Variants in FAT3 observed in about 807,000 individuals in gnomAD.
FAT3 encodes protocadherin Fat 3.
Under a neutral mutation model 310.2 loss-of-function variants are expected in FAT3, and 95 were observed. The ratio of observed to expected loss-of-function variants is 0.31; its 90% CI spans 0.26 to 0.36. The LOEUF (loss-of-function observed/expected upper bound fraction) is 0.36, where lower values mean the gene tolerates loss of function less well. Ranked by LOEUF, FAT3 falls within the 10% of genes least tolerant of loss-of-function variation. The pLI, the probability that FAT3 is intolerant of heterozygous loss-of-function variation, is 1.00. For synonymous variants in FAT3, 2,314 were observed against 2,192.9 expected, an observed-to-expected ratio of 1.06 and a Z score of -1.54; for missense variants, 5,408 against 5,715.6, an observed-to-expected ratio of 0.95 and a Z score of 1.74.
intron 1 of FAT3, among the ~76,000 whole-genome samples, chr11:92,330,965 G>GGTGTGTGTGT (rs375080524): frequency 4.4e-5 from 6 of 135,938 alleles, no homozygotes; most frequent in African/African-American, 1.5e-4. Context: ...AGGAGTAAAG[G>GGTGTGTGTGT]GTGTGTGTGT....
intron 2 of FAT3, among the ~76,000 whole-genome samples, chr11:92,501,539 C>G (rs774987198): frequency 2.8e-4 from 42 of 151,994 alleles, no homozygotes; most frequent in Non-Finnish European, 4.3e-4. Flanking sequence ...TGAAAGCCGT[C>G]TAGTAACTAC....
chr11:92,577,072 T>C (rs1938521334), intron 3 of FAT3, among the ~76,000 whole-genome samples: 1 of 152,058 alleles, frequency 6.6e-6, no homozygotes, highest in South Asian at 2.1e-4. Context: ...GAAAATGTAT[T>C]ATGTGTCAGG....
At chr11:92,822,317 TAA>T (rs549006711) in intron 13 of FAT3, among the ~76,000 whole-genome samples, 15 of 139,932 alleles carry the variant, frequency 1.1e-4, no homozygotes, top group Admixed American at 1.4e-4. Flanking sequence ...ACAGGTTGGT[TAA>T]AAAAAAAAAA....
intron 1 of FAT3, among the ~76,000 whole-genome samples, chr11:92,325,949 G>C (rs906789780): frequency 1.3e-5 from 2 of 152,144 alleles, no homozygotes; most frequent in Non-Finnish European, 2.9e-5. Flanking sequence ...TTTATTTGTG[G>C]GGATGTGTAT....
At chr11:92,558,716 G>T (rs1955108002) in intron 3 of FAT3, among the ~76,000 whole-genome samples, 1 of 152,042 alleles carries the variant, frequency 6.6e-6, no homozygotes, top group Non-Finnish European at 1.5e-5. Context: ...TATTTTTCAG[G>T]AGCCTTTCCA....
At chr11:92,742,694 G>A (rs1215124049) in intron 4 of FAT3, among the ~76,000 whole-genome samples, 3 of 152,190 alleles carry the variant, frequency 2.0e-5, no homozygotes, top group Non-Finnish European at 4.4e-5. Context: ...GAATGATGCA[G>A]CAAGAAGATC....
chr11:92,522,992 C>T (rs1053565242), intron 2 of FAT3, among the ~76,000 whole-genome samples: 3 of 152,140 alleles, frequency 2.0e-5, no homozygotes, highest in Admixed American at 2.0e-4. Context: ...CTTCGGCACA[C>T]ACTGGACAAC....
intron 6 of FAT3, among the ~76,000 whole-genome samples, chr11:92,765,290 G>A (rs1212278529): frequency 2.6e-5 from 4 of 152,252 alleles, no homozygotes; most frequent in Admixed American, 1.3e-4. Flanking sequence ...AAGCTGAACC[G>A]AAAGTGCTCT....
At chr11:92,531,398 G>C (rs909081782) in intron 3 of FAT3, among the ~76,000 whole-genome samples, 1 of 152,152 alleles carries the variant, frequency 6.6e-6, no homozygotes, top group Non-Finnish European at 1.5e-5. Context: ...CACAACTGTG[G>C]GTTGAGGGTG....
chr11:92,788,573 A>G (rs1236819715), intron 7 of FAT3, among the ~76,000 whole-genome samples: 2 of 152,170 alleles, frequency 1.3e-5, no homozygotes, highest in Non-Finnish European at 2.9e-5. Flanking sequence ...AATTATCTGT[A>G]TAATGATTGC....
chr11:92,693,987 A>G (rs567719716), intron 3 of FAT3, among the ~76,000 whole-genome samples: 1 of 152,176 alleles, frequency 6.6e-6, no homozygotes, highest in African/African-American at 2.4e-5. Context: ...TTCCAAACAT[A>G]AAAGACTTAT....
At chr11:92,614,218 C>T (rs987675312) in intron 3 of FAT3, among the ~76,000 whole-genome samples, 1 of 151,860 alleles carries the variant, frequency 6.6e-6, no homozygotes, top group Admixed American at 6.6e-5. Flanking sequence ...CATTCATGTA[C>T]AAGTTTTTGT....
chr11:92,798,590 C>T lies in FAT3; in HGVS notation c.5577C>T (p.Pro1859=), dbSNP rs368186699. 5 of 1,613,688 alleles carry T rather than the reference C, an allele frequency of 3.1e-6. No homozygotes were observed. Among genetic ancestry groups the T allele is most frequent in the Non-Finnish European group, 3.4e-6 (4 of 1,179,834 alleles). ...TGCATGTGAGAGACAGTGGTAGCCC[C>T]CAACTGACTGCAGAGAGTCCCGTTG... ...FHVHVRDSGS[P]QLTAESPVEV... is the part of the protein sequence containing the mutation. The change falls in exon 10 of 28, where the codon CCC becomes CCT. Residue 1859 remains proline, a synonymous_variant. Transcript: ENST00000525166.
chr11:92,229,156 A>G (rs1864041217), intron 1 of FAT3, among the ~76,000 whole-genome samples: 1 of 152,218 alleles, frequency 6.6e-6, no homozygotes, highest in Non-Finnish European at 1.5e-5. Context: ...AAAATATTAA[A>G]GGAAGCACAA....
intron 3 of FAT3, among the ~76,000 whole-genome samples, chr11:92,613,842 T>A (rs1940681508): frequency 6.6e-6 from 1 of 152,176 alleles, no homozygotes; most frequent in African/African-American, 2.4e-5. Flanking sequence ...TCACCACAAT[T>A]TTAGGACATG....
intron 9 of FAT3, among the ~76,000 whole-genome samples, chr11:92,793,683 C>A (rs765436735): frequency 1.3e-5 from 2 of 152,134 alleles, no homozygotes; most frequent in African/African-American, 2.4e-5. Flanking sequence ...GACAAATATC[C>A]TTTATCTGCT....
chr11:92,354,184 A>C lies in FAT3; in HGVS notation c.2072A>C (p.Lys691Thr), dbSNP rs750357297. 6.2e-7 allele frequency: 1 copy of C among 1,613,906 alleles called. No individual in the cohort carries two copies. Among genetic ancestry groups the C allele is most frequent in the Non-Finnish European group, 8.5e-7 (1 of 1,179,850 alleles). The stretch of plus-strand genomic sequence containing the variant: ...TGCAGAGAAACTCGTGTGGCTCAAA[A>C]GCTGGCAGAGAAACTACTCATTAAG... The part of the protein sequence containing the change: ...FSCRETRVAQ[K>T]LAEKLLIKAK... The change falls in exon 2 of 28, where the codon AAG (lysine) becomes ACG (threonine). Residue 691 changes from lysine to threonine, a missense_variant. Transcript: ENST00000525166.
chr11:92,459,621 T>C (rs1951585340), intron 2 of FAT3, among the ~76,000 whole-genome samples: 1 of 152,208 alleles, frequency 6.6e-6, no homozygotes, highest in Admixed American at 6.5e-5. Flanking sequence ...GATGATAGAA[T>C]GAAAAGTATT....
At chr11:92,777,892 T>A (rs1327943249) in intron 7 of FAT3, among the ~76,000 whole-genome samples, 1 of 152,088 alleles carries the variant, frequency 6.6e-6, no homozygotes, top group Non-Finnish European at 1.5e-5. Context: ...TCCTATCATC[T>A]GTTAGCTTCT....
Sources: gnomAD v4.1 joint callset for allele counts (sites outside exome capture counted in the v4.1 genomes callset) on GRCh38, gnomAD v4.1.1 for gene constraint, MANE v1.5 for transcripts, NCBI Gene and HGNC (gene_info 2026-07-23, HGNC 2026-07-21) for gene names.